DEPDC5: variants seen among roughly 807,000 people sequenced by gnomAD.
DEPDC5 encodes the protein GATOR1 complex protein DEPDC5.
A neutral mutation model predicts 217.3 loss-of-function variants in DEPDC5; 73 were observed. The observed-to-expected ratio is 0.34, with a 90% CI of 0.28 to 0.41. The LOEUF (loss-of-function observed/expected upper bound fraction) is 0.41. Among genes scored for constraint, DEPDC5 ranks in the 10% least tolerant of loss-of-function variants. The pLI is 1.00. For missense variants in DEPDC5, 1,675 were observed against 2,070.1 expected (o/e 0.81, Z 3.70); for synonymous variants, 733 against 756.7 (o/e 0.97, Z 0.51).
At chr22:31,838,916 G>C in intron 27 of DEPDC5, 71 bp downstream of exon 27, 1 of 1,477,978 alleles carries the variant, frequency 6.8e-7, no homozygotes, top group Non-Finnish European at 9.1e-7. Flanking sequence ...TTTCAAGATG[G>C]TAGGTAGTAG....
chr22:31,865,106 G>A lies in DEPDC5; in HGVS notation c.3330+3673G>A, dbSNP rs562702495. 5.3e-5 allele frequency among the ~76,000 whole-genome samples: 8 copies of A among 152,240 alleles called. No homozygotes were observed. The South Asian group carries it at 6.2e-4, about 12-fold the overall frequency. On this transcript the variant is annotated intron_variant, in intron 33 of 42. Transcript: ENST00000651528. Reference sequence around the variant, plus strand: ...CTCCCAAAGTGCTGGGATTACAGGCGTAAGCCACCGCACCCAGCCGTATTT... The same window carrying A: ...CTCCCAAAGTGCTGGGATTACAGGCATAAGCCACCGCACCCAGCCGTATTT...
rs2148830432 is a variant in DEPDC5, at chr22:31,822,777, C to T, written c.2091C>T (p.Ser697=). 6.2e-7 allele frequency: 1 copy of T among 1,613,930 alleles called. No individual in the cohort carries two copies. The highest frequency in any genetic ancestry group is 1.3e-5 in the African/African-American group (1 of 75,002). The change falls in exon 24 of 43, where the codon AGC becomes AGT. Residue 697 remains serine (S), a synonymous_variant. Transcript: ENST00000651528. ...GTEELSVGLL[S]NSGAGMNPRT... The stretch of plus-strand genomic sequence containing the variant: ...AGGAGCTTTCTGTCGGCCTGCTTAG[C>T]AACAGTGGTGCAGGTAACCAATCCA...
At chr22:31,876,376 G>A in intron 37 of DEPDC5, 111 bp downstream of exon 37, 1 of 785,306 alleles carries the variant, frequency 1.3e-6, no homozygotes, top group South Asian at 1.7e-5. Flanking sequence ...TGTATTATAA[G>A]TTGACAGATC....
At chr22:31,829,537 GA>G (rs145515870) in intron 24 of DEPDC5, among the ~76,000 whole-genome samples, 113 of 149,542 alleles carry the variant, frequency 7.6e-4, no homozygotes, top group African/African-American at 1.9e-3. Flanking sequence ...CATCCCAGGG[GA>G]AAAAAAAAAT....
intron 34 of DEPDC5, among the ~76,000 whole-genome samples, chr22:31,871,839 C>T (rs1343842605): frequency 6.6e-6 from 1 of 152,200 alleles, no homozygotes; most frequent in Non-Finnish European, 1.5e-5. Context: ...AACTTACTAG[C>T]AGTGGGTCCT....
At chr22:31,846,434 A>G (rs2091744550) in intron 30 of DEPDC5, among the ~76,000 whole-genome samples, 1 of 152,170 alleles carries the variant, frequency 6.6e-6, no homozygotes, top group Admixed American at 6.5e-5. Flanking sequence ...ACGATTAGAA[A>G]CGTGTCTGGG....
chr22:31,851,334 A>T, intron 31 of DEPDC5, among the ~76,000 whole-genome samples: 1 of 152,158 alleles, frequency 6.6e-6, no homozygotes, highest in East Asian at 1.9e-4. Context: ...GTGTGGTGTC[A>T]TGGGAGGTGG....
At chr22:31,821,454 A>T in intron 22 of DEPDC5, 48 bp from the exon 23 acceptor site, 1 of 1,609,136 alleles carries the variant, frequency 6.2e-7, no homozygotes, top group South Asian at 1.1e-5. Context: ...AGTGCACAGC[A>T]CTAGCTATCA....
chr22:31,770,791 C>CTT (rs1156973076), intron 7 of DEPDC5, among the ~76,000 whole-genome samples: 52 of 120,102 alleles, frequency 4.3e-4, no homozygotes, highest in Non-Finnish European at 5.5e-4. Context: ...ATCTACTTTT[C>CTT]TTTTTTTTTT....
intron 37 of DEPDC5, among the ~76,000 whole-genome samples, chr22:31,877,436 CAAAAAAA>C (rs71184527): frequency 0.016 from 325 of 20,914 alleles, no homozygotes; most frequent in Non-Finnish European, 0.024. Context: ...GACTCCATCT[CAAAAAAA>C]AAAAAAAAAA....
intron 24 of DEPDC5, among the ~76,000 whole-genome samples, chr22:31,823,327 C>G (rs1367024209): frequency 6.6e-6 from 1 of 151,734 alleles, no homozygotes; most frequent in Non-Finnish European, 1.5e-5. Context: ...GTCAGGAGTT[C>G]GAGACCAGCC....
Position 31,804,963 on chromosome 22 carries a change from T to C in DEPDC5, c.1217+48T>C, listed in dbSNP as rs1414225845. 3 of 1,534,216 alleles carry C rather than the reference T, an allele frequency of 2.0e-6. No homozygotes were observed. The African/African-American group carries it at 4.2e-5, about 21-fold the overall frequency. On this transcript the variant is annotated intron_variant, in intron 17 of 42. Transcript: ENST00000651528. Reference sequence around the variant, plus strand: ...GTAGGTGATAAGCGTTTTGAACAGCTTCCTTGCCATTTTTCTTTAAATCTG... The same window carrying C: ...GTAGGTGATAAGCGTTTTGAACAGCCTCCTTGCCATTTTTCTTTAAATCTG...
At chr22:31,884,258 G>A (rs544679481) in intron 38 of DEPDC5, among the ~76,000 whole-genome samples, 15 of 152,152 alleles carry the variant, frequency 9.9e-5, no homozygotes, top group East Asian at 1.9e-4. Flanking sequence ...CCCAGCCCTC[G>A]CAGTACTCAG....
chr22:31,800,199 CATT>C (rs1569524408), intron 14 of DEPDC5, among the ~76,000 whole-genome samples: 2 of 152,080 alleles, frequency 1.3e-5, no homozygotes, highest in South Asian at 2.1e-4. Context: ...GTTGGAGAAA[CATT>C]ATTATCCTGT....
At chr22:31,786,818 C>T (rs958233492) in intron 10 of DEPDC5, among the ~76,000 whole-genome samples, 3 of 151,850 alleles carry the variant, frequency 2.0e-5, no homozygotes, top group Non-Finnish European at 2.9e-5. Flanking sequence ...TTTTGTTGCC[C>T]GGGCTACTCT....
chr22:31,773,335 G>A (rs937376251), intron 7 of DEPDC5, among the ~76,000 whole-genome samples: 2 of 152,036 alleles, frequency 1.3e-5, no homozygotes, highest in East Asian at 1.9e-4. Flanking sequence ...CTACAAGTGC[G>A]TGCCAGCATG....
At chr22:31,820,621 C>T (rs1260913318) in intron 22 of DEPDC5, among the ~76,000 whole-genome samples, 1 of 152,000 alleles carries the variant, frequency 6.6e-6, no homozygotes, top group Non-Finnish European at 1.5e-5. Flanking sequence ...CTTTCTGTGT[C>T]CTTTCCCCTC....
intron 37 of DEPDC5, among the ~76,000 whole-genome samples, chr22:31,876,708 G>A (rs2093000037): frequency 6.6e-6 from 1 of 152,168 alleles, no homozygotes; most frequent in Non-Finnish European, 1.5e-5. Flanking sequence ...TCAAGTCCTA[G>A]CAAGTTTTCC....
chr22:31,881,288 T>G (rs1052489558), intron 38 of DEPDC5, among the ~76,000 whole-genome samples: 3 of 136,260 alleles, frequency 2.2e-5, no homozygotes, highest in African/African-American at 8.5e-5. Context: ...AGACTCCATC[T>G]CTCAAAAAAA....
Sources: allele counts gnomAD v4.1 joint callset (sites outside exome capture counted in the v4.1 genomes callset), GRCh38; gene constraint gnomAD v4.1.1; transcripts MANE v1.5; gene names NCBI Gene and HGNC (gene_info 2026-07-23, HGNC 2026-07-21).